Variants in KMT2C observed in about 807,000 individuals in gnomAD.
KMT2C encodes the protein histone-lysine N-methyltransferase 2C.
A neutral mutation model predicts 507.9 loss-of-function variants in KMT2C; 88 were observed. That is an observed-to-expected ratio of 0.17 (90% CI 0.15 to 0.21). KMT2C has a LOEUF of 0.21. KMT2C is among the 10% of genes least tolerant of loss of function. KMT2C has a pLI of 1.00. For synonymous variants in KMT2C, 2,049 were observed against 2,080.8 expected, an observed-to-expected ratio of 0.98 and a Z score of 0.42; for missense variants, 4,954 against 5,957.8, an observed-to-expected ratio of 0.83 and a Z score of 5.55.
chr7:152,360,796 C>G (rs539119039), intron 1 of KMT2C, among the ~76,000 whole-genome samples: 6 of 151,528 alleles, frequency 4.0e-5, no homozygotes, highest in Non-Finnish European at 8.8e-5. Flanking sequence ...TTGCGGTGAG[C>G]CGAGATTGCA....
chr7:152,203,666 T>C (rs2094211371), intron 25 of KMT2C, among the ~76,000 whole-genome samples: 1 of 152,074 alleles, frequency 6.6e-6, no homozygotes, highest in Non-Finnish European at 1.5e-5. Context: ...CAGCTTAAAT[T>C]TGACAAATAA....
intron 1 of KMT2C, among the ~76,000 whole-genome samples, chr7:152,428,890 C>G (rs1322682717): frequency 1.3e-5 from 2 of 152,158 alleles, no homozygotes; most frequent in Non-Finnish European, 2.9e-5. Flanking sequence ...TCCCTGTAAA[C>G]AGTTTATAAC....
At chr7:152,352,319 C>A (rs1438992054) in intron 2 of KMT2C, among the ~76,000 whole-genome samples, 1 of 152,290 alleles carries the variant, frequency 6.6e-6, no homozygotes, top group East Asian at 1.9e-4. Context: ...AATTACAATG[C>A]GTGCCCGAAA....
chr7:152,315,562 C>T (rs2096714598), intron 3 of KMT2C, among the ~76,000 whole-genome samples: 1 of 152,106 alleles, frequency 6.6e-6, no homozygotes. Context: ...AAAAGTAGTA[C>T]ACATATCAAA....
intron 1 of KMT2C, among the ~76,000 whole-genome samples, chr7:152,385,342 G>A (rs2097415167): frequency 8.3e-6 from 1 of 120,566 alleles, no homozygotes; most frequent in Non-Finnish European, 1.5e-5. Context: ...GCCGGGCGCG[G>A]TGGCTCACGC....
chr7:152,275,347 A>G (rs2096063080), intron 6 of KMT2C, among the ~76,000 whole-genome samples: 2 of 152,206 alleles, frequency 1.3e-5, no homozygotes, highest in Non-Finnish European at 2.9e-5. Context: ...GATCGAGACC[A>G]TCCTGGCTAA....
chr7:152,220,451 A>G (rs1563451965), intron 23 of KMT2C, 72 bp downstream of exon 23: 5 of 1,181,394 alleles, frequency 4.2e-6, no homozygotes, highest in Non-Finnish European at 6.2e-6. Flanking sequence ...TAAATCATAC[A>G]CATATTTCAA....
At chr7:152,187,085 G>A (rs144436798) in intron 33 of KMT2C, among the ~76,000 whole-genome samples, 177 bp downstream of exon 33, 2 of 152,190 alleles carry the variant, frequency 1.3e-5, no homozygotes, top group African/African-American at 4.8e-5. Flanking sequence ...GAGGATGGAT[G>A]CAGGGTCTAG....
chr7:152,410,008 A>G (rs2097664573), intron 1 of KMT2C, among the ~76,000 whole-genome samples: 1 of 152,274 alleles, frequency 6.6e-6, no homozygotes. Context: ...GGGGGAGGGG[A>G]TATTATTTAT....
chr7:152,155,850 A>AT, intron 46 of KMT2C, 60 bp downstream of exon 46: 1 of 1,500,584 alleles, frequency 6.7e-7, no homozygotes, highest in Non-Finnish European at 9.0e-7. Context: ...ACATACATAC[A>AT]TTTATTTTTT....
At chr7:152,228,924 G>A (rs1352603194) in intron 18 of KMT2C, among the ~76,000 whole-genome samples, 1 of 152,136 alleles carries the variant, frequency 6.6e-6, no homozygotes, top group African/African-American at 2.4e-5. Flanking sequence ...ATTTTGGATA[G>A]TATTAATTAC....
rs1297213937 is a variant in KMT2C, at chr7:152,152,841, G to C, written c.12390C>G (p.His4130Gln). ...GATACTCCAAACCCGGGTTGATTCTGTGGCTACTGACCAAACCCATGGATG... is the reference window on the plus strand; with the variant it reads ...GATACTCCAAACCCGGGTTGATTCTCTGGCTACTGACCAAACCCATGGATG... ...DVPSMGLVSS[H>Q]RINPGLEYRQ... The change falls in exon 49 of 59, where the codon CAC becomes CAG. Residue 4130 changes from histidine (H) to glutamine (Q), a missense_variant. By Grantham distance (24) the His-to-Gln change is conservative. Transcript: ENST00000262189. 6.2e-7 allele frequency: 1 copy of C among 1,614,084 alleles called. No homozygotes were observed. Among genetic ancestry groups the C allele is most frequent in the Admixed American group, 1.7e-5 (1 of 60,006 alleles).
chr7:152,375,737 CTG>C (rs1360161778), intron 1 of KMT2C, among the ~76,000 whole-genome samples: 1 of 152,038 alleles, frequency 6.6e-6, no homozygotes, highest in South Asian at 2.1e-4. Context: ...CTTTGTGTCT[CTG>C]TGTTACGTTT....
intron 39 of KMT2C, among the ~76,000 whole-genome samples, chr7:152,173,095 A>T (rs2093038258): frequency 6.6e-6 from 1 of 152,204 alleles, no homozygotes; most frequent in East Asian, 1.9e-4. Context: ...TAGTGTTAAT[A>T]AATATTGCTC....
intron 31 of KMT2C, among the ~76,000 whole-genome samples, chr7:152,192,098 A>G (rs1362133451): frequency 1.3e-5 from 2 of 152,130 alleles, no homozygotes; most frequent in Non-Finnish European, 2.9e-5. Flanking sequence ...AGACTGCACA[A>G]TGAAGTGATT....
chr7:152,262,416 G>T (rs1394410479), intron 9 of KMT2C, among the ~76,000 whole-genome samples: 1 of 152,154 alleles, frequency 6.6e-6, no homozygotes, highest in Non-Finnish European at 1.5e-5. Flanking sequence ...GATTCCAAGG[G>T]CTATCTCCAC....
At chr7:152,259,124 A>G (rs1350607215) in intron 9 of KMT2C, among the ~76,000 whole-genome samples, 1 of 152,150 alleles carries the variant, frequency 6.6e-6, no homozygotes, top group Non-Finnish European at 1.5e-5. Flanking sequence ...AAAAAGAAAA[A>G]AACAAGTATA....
At chr7:152,180,679 C>T (rs774792384) in intron 36 of KMT2C, 32 bp downstream of exon 36, 55 of 1,473,106 alleles carry the variant, frequency 3.7e-5, no homozygotes, top group Non-Finnish European at 5.0e-5. Flanking sequence ...TCAAATAATA[C>T]ATTTAAAACT....
intron 14 of KMT2C, among the ~76,000 whole-genome samples, chr7:152,246,212 G>A: frequency 6.6e-6 from 1 of 152,138 alleles, no homozygotes; most frequent in Non-Finnish European, 1.5e-5. Flanking sequence ...TCATCATCAA[G>A]TGAAGGCTGT....
Sources: allele counts gnomAD v4.1 joint callset (sites outside exome capture counted in the v4.1 genomes callset), GRCh38; gene constraint gnomAD v4.1.1; transcripts MANE v1.5; gene names NCBI Gene and HGNC (gene_info 2026-07-23, HGNC 2026-07-21).